Variants in RANBP2 observed in about 807,000 individuals in gnomAD.
RANBP2 encodes E3 SUMO-protein ligase RanBP2.
In RANBP2, 57 loss-of-function variants were observed where a neutral mutation model predicts 303.6. The observed-to-expected ratio is 0.19, with a 90% CI of 0.15 to 0.23. The LOEUF is 0.23. RANBP2 is among the 10% of genes least tolerant of loss of function. RANBP2 has a pLI of 1.00. For missense variants in RANBP2, 3,138 were observed against 3,780.8 expected (o/e 0.83, Z 4.46); for synonymous variants, 1,167 against 1,301.5 (o/e 0.90, Z 2.23).
chr2:108,751,848 T>C (rs762039960), intron 11 of RANBP2, 23 bp from the exon 12 acceptor site: 30 of 1,612,046 alleles, frequency 1.9e-5, no homozygotes, highest in Non-Finnish European at 2.4e-5. Context: ...AAAGCAATTT[T>C]AGTAAATTGA....
the RANBP2 span, among the ~76,000 whole-genome samples, chr2:108,960,333 C>A: frequency 6.6e-6 from 1 of 152,348 alleles, no homozygotes; most frequent in East Asian, 1.9e-4. Context: ...GTGCTCACTG[C>A]CTCAGAATGT....
At chr2:108,761,065 T>A (rs1676698633) in intron 18 of RANBP2, among the ~76,000 whole-genome samples, 1 of 150,432 alleles carries the variant, frequency 6.6e-6, no homozygotes, top group Admixed American at 6.7e-5. Flanking sequence ...CAGTTTAGAG[T>A]CAGTAGTCAA....
the RANBP2 span, among the ~76,000 whole-genome samples, chr2:109,392,622 C>T: frequency 1.8e-4 from 28 of 152,168 alleles, no homozygotes; most frequent in African/African-American, 6.3e-4. Context: ...TCACGCCAGC[C>T]GTTCTCCTGC....
the RANBP2 span, among the ~76,000 whole-genome samples, chr2:109,534,041 C>G: frequency 6.6e-6 from 1 of 152,202 alleles, no homozygotes; most frequent in Admixed American, 6.5e-5. Context: ...CATACCCTCT[C>G]CTTCTGTCGC....
the RANBP2 span, among the ~76,000 whole-genome samples, chr2:109,182,986 A>G: frequency 2.6e-5 from 4 of 152,342 alleles, no homozygotes; most frequent in East Asian, 7.7e-4. Context: ...TGGGTCTCCT[A>G]ACAGGTTTCA....
At chr2:109,389,774 CGAGT>C in the RANBP2 span, among the ~76,000 whole-genome samples, 1 of 151,998 alleles carries the variant, frequency 6.6e-6, no homozygotes, top group Non-Finnish European at 1.5e-5. Flanking sequence ...ATGTATAATG[CGAGT>C]GATCATTGGT....
At chr2:109,509,748 C>T in the RANBP2 span, among the ~76,000 whole-genome samples, 1 of 151,896 alleles carries the variant, frequency 6.6e-6, no homozygotes, top group Non-Finnish European at 1.5e-5. Context: ...TTAGGCCCAC[C>T]AATGGACTCA....
the RANBP2 span, among the ~76,000 whole-genome samples, chr2:109,253,803 A>G: frequency 1.3e-5 from 2 of 152,324 alleles, no homozygotes; most frequent in African/African-American, 4.8e-5. Context: ...AGGTTGACAC[A>G]CAAAGATTTA....
the RANBP2 span, among the ~76,000 whole-genome samples, chr2:109,466,863 GT>G: frequency 6.6e-6 from 1 of 152,090 alleles, no homozygotes; most frequent in Non-Finnish European, 1.5e-5. Flanking sequence ...ACATGTGCAT[GT>G]GTGTATATGT....
chr2:109,673,717 A>G, the RANBP2 span, among the ~76,000 whole-genome samples: 1 of 151,072 alleles, frequency 6.6e-6, no homozygotes, highest in Non-Finnish European at 1.5e-5. Flanking sequence ...TACAAAAATT[A>G]GCTGGGCAAG....
chr2:109,235,214 A>G, the RANBP2 span, among the ~76,000 whole-genome samples: 1 of 152,198 alleles, frequency 6.6e-6, no homozygotes, highest in East Asian at 1.9e-4. Flanking sequence ...GTTTAAGGAC[A>G]GCGAGCATGT....
At chr2:109,601,785 A>C in the RANBP2 span, among the ~76,000 whole-genome samples, 16 of 152,072 alleles carry the variant, frequency 1.1e-4, no homozygotes, top group Admixed American at 1.0e-3. Flanking sequence ...AAAAGCAACT[A>C]AATCTTCCTT....
the RANBP2 span, among the ~76,000 whole-genome samples, chr2:108,840,980 T>C: frequency 3.3e-5 from 5 of 151,758 alleles, no homozygotes; most frequent in Non-Finnish European, 7.4e-5. Flanking sequence ...CCTGGCTAAT[T>C]TTTGTGTTTT....
At chr2:109,437,596 C>G in the RANBP2 span, among the ~76,000 whole-genome samples, 3 of 152,210 alleles carry the variant, frequency 2.0e-5, no homozygotes, top group South Asian at 6.2e-4. Context: ...GGCTTCCCAG[C>G]TAGGCGGCAT....
the RANBP2 span, among the ~76,000 whole-genome samples, chr2:108,967,488 A>G: frequency 6.6e-6 from 1 of 152,086 alleles, no homozygotes; most frequent in Non-Finnish European, 1.5e-5. Context: ...CGGGTCTCCT[A>G]CTTGTCTTTT....
the RANBP2 span, among the ~76,000 whole-genome samples, chr2:108,957,276 T>C: frequency 2.6e-5 from 4 of 152,204 alleles, no homozygotes; most frequent in East Asian, 1.9e-4. Context: ...GTGAGACAGA[T>C]GAAAGCCTGG....
At chr2:108,967,849 T>C in the RANBP2 span, among the ~76,000 whole-genome samples, 57 of 151,798 alleles carry the variant, frequency 3.8e-4, no homozygotes, top group African/African-American at 2.2e-4. Flanking sequence ...CAGGTAACAA[T>C]GTTATTGAGA....
At chr2:109,371,643 G>A in the RANBP2 span, 3 of 1,613,998 alleles carry the variant, frequency 1.9e-6, no homozygotes, top group Non-Finnish European at 2.5e-6. Context: ...AGGCATGCTG[G>A]GAGACAAGAT....
the RANBP2 span, among the ~76,000 whole-genome samples, chr2:108,956,896 C>A: frequency 6.6e-6 from 1 of 152,106 alleles, no homozygotes; most frequent in Non-Finnish European, 1.5e-5. Flanking sequence ...TCAAGCGGTT[C>A]TCCTGCCTCA....
Sources: allele counts gnomAD v4.1 joint callset (sites outside exome capture counted in the v4.1 genomes callset), GRCh38; gene constraint gnomAD v4.1.1; transcripts MANE v1.5; gene names NCBI Gene and HGNC (gene_info 2026-07-23, HGNC 2026-07-21).